The following GALNT13 variants were observed in gnomAD, a reference collection of about 807,000 sequenced individuals.
The protein encoded by GALNT13 is polypeptide N-acetylgalactosaminyltransferase 13, also known as UDP-GalNAc:polypeptide N-acetylgalactosaminyltransferase 13.
In GALNT13, 28 loss-of-function variants were observed where a neutral mutation model predicts 64.2. That is an observed-to-expected ratio of 0.44 (90% CI 0.32 to 0.60). The LOEUF (loss-of-function observed/expected upper bound fraction) is 0.60. Among genes scored for constraint, GALNT13 ranks in the 20% least tolerant of loss-of-function variants. GALNT13 has a pLI of 0.05. For missense variants in GALNT13, 577 were observed against 669.8 expected (o/e 0.86, Z 1.53); for synonymous variants, 214 against 224.6 (o/e 0.95, Z 0.42).
the GALNT13 span, among the ~76,000 whole-genome samples, chr2:153,248,769 T>C: frequency 1.6e-3 from 224 of 141,198 alleles, no homozygotes; most frequent in Admixed American, 4.2e-3. Flanking sequence ...TGAGCGGAGA[T>C]CGAGCCATTG....
At chr2:153,883,815 G>A (rs761777032) in intron 1 of GALNT13, among the ~76,000 whole-genome samples, 8 of 151,994 alleles carry the variant, frequency 5.3e-5, no homozygotes, top group Non-Finnish European at 1.2e-4. Flanking sequence ...AATAACCATA[G>A]GACTTTAGTT....
the GALNT13 span, among the ~76,000 whole-genome samples, chr2:153,122,891 A>G: frequency 1.3e-5 from 2 of 152,092 alleles, no homozygotes; most frequent in African/African-American, 4.8e-5. Flanking sequence ...GGTTCATTGC[A>G]GATGTAATTG....
the GALNT13 span, among the ~76,000 whole-genome samples, chr2:153,135,758 T>C: frequency 6.6e-6 from 1 of 152,002 alleles, no homozygotes; most frequent in East Asian, 1.9e-4. Context: ...AGCTTAGGGA[T>C]TAGGGGGCAC....
the GALNT13 span, among the ~76,000 whole-genome samples, chr2:153,401,449 G>A: frequency 6.7e-6 from 1 of 149,878 alleles, no homozygotes; most frequent in Non-Finnish European, 1.5e-5. Flanking sequence ...GGTCTGCTTG[G>A]TGCAGAGCTG....
intron 3 of GALNT13, among the ~76,000 whole-genome samples, chr2:154,045,080 G>T (rs564409730): frequency 1.3e-5 from 2 of 152,322 alleles, no homozygotes; most frequent in East Asian, 1.9e-4. Context: ...AACTCAGCAT[G>T]TGCTGGAATA....
the GALNT13 span, among the ~76,000 whole-genome samples, chr2:153,528,813 C>T: frequency 6.6e-6 from 1 of 151,880 alleles, no homozygotes; most frequent in Admixed American, 6.6e-5. Flanking sequence ...TAATATGTTT[C>T]TGAATGACCT....
At chr2:153,887,770 T>A (rs1687287971) in intron 1 of GALNT13, among the ~76,000 whole-genome samples, 1 of 151,988 alleles carries the variant, frequency 6.6e-6, no homozygotes. Flanking sequence ...TTTGATCTGC[T>A]TTGACTATGT....
At chr2:153,983,846 G>A (rs184887786) in intron 3 of GALNT13, among the ~76,000 whole-genome samples, 1 of 152,004 alleles carries the variant, frequency 6.6e-6, no homozygotes, top group East Asian at 1.9e-4. Flanking sequence ...TTCAATAAAG[G>A]TATCACTTAC....
chr2:153,482,914 C>G, the GALNT13 span, among the ~76,000 whole-genome samples: 9 of 152,172 alleles, frequency 5.9e-5, no homozygotes, highest in African/African-American at 2.2e-4. Context: ...ATCTCAAATA[C>G]AGATATATTG....
chr2:153,796,571 A>T, the GALNT13 span, among the ~76,000 whole-genome samples: 1 of 152,158 alleles, frequency 6.6e-6, no homozygotes, highest in Non-Finnish European at 1.5e-5. Context: ...TTATATCACA[A>T]ATTTAGTACA....
At chr2:153,826,724 G>T in the GALNT13 span, among the ~76,000 whole-genome samples, 2 of 152,094 alleles carry the variant, frequency 1.3e-5, no homozygotes, top group East Asian at 1.9e-4. Flanking sequence ...TATAATCAGA[G>T]AAACTAGATG....
rs59114913 is a variant in GALNT13 at position 154,411,317 on chromosome 2, T to TACACACACACACAC, written c.1395+2265_1395+2278dup. Among the ~76,000 whole-genome samples, 26 of 147,874 alleles carry TACACACACACACAC rather than the reference T, an allele frequency of 1.8e-4. No homozygotes were observed. The South Asian group carries it at 2.8e-3, about 16-fold the overall frequency. ...TTCCATCTACATACTTAATTGCACA[T>TACACACACACACAC]ACACACACACACACACACACACACA... On this transcript the variant is annotated intron_variant, in intron 11 of 12. Transcript: ENST00000392825.
chr2:153,865,440 C>A, the GALNT13 span, among the ~76,000 whole-genome samples: 1 of 144,788 alleles, frequency 6.9e-6, no homozygotes, highest in African/African-American at 2.6e-5. Context: ...CCAGAATCTA[C>A]AATGAACTCA....
the GALNT13 span, among the ~76,000 whole-genome samples, chr2:153,733,882 A>G: frequency 3.9e-5 from 6 of 152,202 alleles, no homozygotes; most frequent in Non-Finnish European, 8.8e-5. Flanking sequence ...CTTTTAAAAC[A>G]TCTAAATCCC....
chr2:153,423,168 G>A, the GALNT13 span, among the ~76,000 whole-genome samples: 2 of 151,706 alleles, frequency 1.3e-5, no homozygotes, highest in Non-Finnish European at 3.0e-5. Flanking sequence ...TCATGACAAA[G>A]AATGATGAAT....
At chr2:154,098,764 A>T (rs991380655) in intron 3 of GALNT13, among the ~76,000 whole-genome samples, 10 of 151,808 alleles carry the variant, frequency 6.6e-5, no homozygotes, top group East Asian at 1.9e-4. Flanking sequence ...TTTCTTTTTT[A>T]TTTCTGTGTA....
chr2:153,851,904 A>G, the GALNT13 span, among the ~76,000 whole-genome samples: 1 of 152,184 alleles, frequency 6.6e-6, no homozygotes, highest in Non-Finnish European at 1.5e-5. Flanking sequence ...GACTAGTACA[A>G]AGGCGGGGAG....
chr2:154,291,356 C>T (rs553711182), intron 8 of GALNT13, among the ~76,000 whole-genome samples: 4 of 152,168 alleles, frequency 2.6e-5, no homozygotes, highest in Non-Finnish European at 5.9e-5. Context: ...ACACAGAGTG[C>T]TGATTGGTGT....
chr2:153,810,722 C>G, the GALNT13 span, among the ~76,000 whole-genome samples: 1 of 152,224 alleles, frequency 6.6e-6, no homozygotes, highest in South Asian at 2.1e-4. Flanking sequence ...CATTGATTGG[C>G]CTTAGAGAGT....
Sources: gnomAD v4.1 joint callset for allele counts (sites outside exome capture counted in the v4.1 genomes callset) on GRCh38, gnomAD v4.1.1 for gene constraint, MANE v1.5 for transcripts, NCBI Gene and HGNC (gene_info 2026-07-23, HGNC 2026-07-21) for gene names.